The following FGFR2 variants were observed in gnomAD, a reference collection of about 807,000 sequenced individuals.
The protein encoded by FGFR2 is BEK fibroblast growth factor receptor.
A neutral mutation model predicts 95.9 loss-of-function variants in FGFR2; 19 were observed. That is an observed-to-expected ratio of 0.20 (90% CI 0.14 to 0.29). The LOEUF (loss-of-function observed/expected upper bound fraction) is 0.29, where lower values mean the gene tolerates loss of function less well. Ranked by LOEUF, FGFR2 falls within the 10% of genes least tolerant of loss-of-function variation. The pLI, the probability that FGFR2 is intolerant of heterozygous loss-of-function variation, is 1.00. For synonymous variants in FGFR2, 392 were observed against 393.3 expected (o/e 1.00, Z 0.04); for missense variants, 707 against 1,056.9 (o/e 0.67, Z 4.59).
chr10:121,479,790 G>C lies in FGFR2; in HGVS notation c.*67C>G, dbSNP rs1844435304. ...GGAGACAACAAGCTCTGGGAGGCAT[G>C]GTCTCCCTGCTCAGTGTAGCTAGGT... is the stretch of plus-strand genomic sequence containing the variant. On this transcript the variant is annotated 3_prime_UTR_variant, in exon 18 of 18. Coordinates refer to ENST00000358487, the MANE Select transcript of FGFR2 (RefSeq NM_000141.5). The C allele has an allele frequency of 6.2e-7, 1 of 1,613,294 alleles. No homozygotes were observed. The highest frequency in any genetic ancestry group is 8.5e-7 in the Non-Finnish European group (1 of 1,179,338).
Position 121,549,619 on chromosome 10 carries a change from G to A in FGFR2, c.624+1671C>T, listed in dbSNP as rs143572089. ...GGTTACAAAAGGCTCTGACTTCTGC[G>A]ATCCTGCTCTCTCTCTCTCTGGCTC... On this transcript the variant is annotated intron_variant, in intron 5 of 17. Coordinates refer to ENST00000358487, the MANE Select transcript of FGFR2 (RefSeq NM_000141.5). 2.4e-4 allele frequency among the ~76,000 whole-genome samples: 37 copies of A among 152,122 alleles called. 1 individual carries two copies. Among genetic ancestry groups the A allele is most frequent in the African/African-American group, 8.0e-4 (33 of 41,406 alleles).
chr10:121,566,473 C>T (rs780085872), intron 2 of FGFR2, among the ~76,000 whole-genome samples: 4 of 152,170 alleles, frequency 2.6e-5, no homozygotes, highest in South Asian at 2.1e-4. Context: ...CGACTCCACA[C>T]GACAAAGCTG....
At chr10:121,597,565 T>A (rs1219844318) in intron 1 of FGFR2, among the ~76,000 whole-genome samples, 1 of 152,168 alleles carries the variant, frequency 6.6e-6, no homozygotes, top group Non-Finnish European at 1.5e-5. Context: ...GACACACGGA[T>A]GGGGCACCTC....
rs187591482 is a variant in FGFR2 at position 121,534,432 on chromosome 10, G to A, written c.748+4160C>T. ...TTTTTTGAGATGGAGTTTCACTCTT[G>A]CTGCCCAGGCTGGAGTGCAATGGCA... On this transcript the variant is annotated intron_variant, in intron 6 of 17. Coordinates refer to ENST00000358487, the MANE Select transcript of FGFR2 (RefSeq NM_000141.5). Among the ~76,000 whole-genome samples, 28 of 151,342 alleles carry A rather than the reference G, an allele frequency of 1.9e-4. 1 individual carries two copies. Among genetic ancestry groups the A allele is most frequent in the African/African-American group, 6.3e-4 (26 of 41,174 alleles).
At chr10:121,512,811 C>T (rs1352007089) in intron 9 of FGFR2, among the ~76,000 whole-genome samples, 1 of 152,190 alleles carries the variant, frequency 6.6e-6, no homozygotes, top group Non-Finnish European at 1.5e-5. Context: ...GGAAGGAACT[C>T]TGATGTTCCC....
chr10:121,535,584 CTCAATGAT>C (rs1418736107), intron 6 of FGFR2, among the ~76,000 whole-genome samples: 2 of 152,208 alleles, frequency 1.3e-5, no homozygotes, highest in East Asian at 3.9e-4. Flanking sequence ...TCTGGTACCA[CTCAATGAT>C]GAACGATGGT....
chr10:121,518,720 T>A lies in FGFR2; in HGVS notation c.940-1257A>T, dbSNP rs1047077. 2 of 1,614,186 alleles carry A rather than the reference T, an allele frequency of 1.2e-6. No individual in the cohort carries two copies. Among genetic ancestry groups the A allele is most frequent in the Non-Finnish European group, 1.7e-6 (2 of 1,180,032 alleles). On this transcript the variant is annotated intron_variant, in intron 7 of 17. Coordinates refer to ENST00000358487, the MANE Select transcript of FGFR2 (RefSeq NM_000141.5). The surrounding 1 kb of genome is among the most constrained non-coding windows in gnomAD (Gnocchi z 4.0). ...CAGGACAGTGAGCCAGGCAGACTGG[T>A]TGGCCTGCCCTATATAATTGGAGAC...
chr10:121,520,256 G>T, intron 6 of FGFR2, 87 bp from the exon 7 acceptor site: 1 of 1,375,014 alleles, frequency 7.3e-7, no homozygotes, highest in South Asian at 1.4e-5. Context: ...GGCTGTCAGT[G>T]ACCTCATGCC....
chr10:121,561,433 A>C (rs1856950121), intron 4 of FGFR2, among the ~76,000 whole-genome samples: 1 of 151,996 alleles, frequency 6.6e-6, no homozygotes, highest in African/African-American at 2.4e-5. Context: ...CTCAAAAAAA[A>C]AAAAAAAAAA....
chr10:121,535,205 G>T (rs1449648797), intron 6 of FGFR2, among the ~76,000 whole-genome samples: 1 of 152,126 alleles, frequency 6.6e-6, no homozygotes, highest in African/African-American at 2.4e-5. Flanking sequence ...CCTTAATTTT[G>T]AATTTTTAGG....
At chr10:121,498,022 AATAACGT>A (rs1847106345) in intron 12 of FGFR2, among the ~76,000 whole-genome samples, 7 of 152,208 alleles carry the variant, frequency 4.6e-5, no homozygotes, top group Admixed American at 4.6e-4. Context: ...CCCCAGGGAA[AATAACGT>A]ATTCCTTCAT....
At chr10:121,504,015 G>A in intron 9 of FGFR2, 74 bp from the exon 10 acceptor site, 4 of 1,566,536 alleles carry the variant, frequency 2.6e-6, no homozygotes, top group South Asian at 2.3e-5. Context: ...CCAGAGCCCA[G>A]CCAGAGTATC....
chr10:121,492,462 G>A (rs540757897), intron 13 of FGFR2, among the ~76,000 whole-genome samples: 1 of 152,238 alleles, frequency 6.6e-6, no homozygotes, highest in South Asian at 2.1e-4. Flanking sequence ...GCCAGGCACT[G>A]TGTGTTCATC....
At chr10:121,558,790 T>C (rs1364618949) in intron 4 of FGFR2, among the ~76,000 whole-genome samples, 2 of 151,970 alleles carry the variant, frequency 1.3e-5, no homozygotes, top group Non-Finnish European at 2.9e-5. Context: ...AGTTTCACCA[T>C]ATTGGCCAGG....
intron 2 of FGFR2, among the ~76,000 whole-genome samples, chr10:121,567,014 A>T (rs1259799791): frequency 6.6e-6 from 1 of 152,122 alleles, no homozygotes; most frequent in African/African-American, 2.4e-5. Flanking sequence ...CTCCAGTGAG[A>T]AGTGTGAATG....
intron 6 of FGFR2, among the ~76,000 whole-genome samples, chr10:121,520,827 G>A (rs41295543): frequency 5.3e-5 from 8 of 152,228 alleles, no homozygotes; most frequent in Non-Finnish European, 8.8e-5. Flanking sequence ...ATGTTTTATA[G>A]AAAGAGGATT....
chr10:121,595,876 T>C (rs1863365237), intron 1 of FGFR2, among the ~76,000 whole-genome samples: 1 of 152,148 alleles, frequency 6.6e-6, no homozygotes, highest in Non-Finnish European at 1.5e-5. Flanking sequence ...GCACTAGAAA[T>C]TTGCATTTCA....
rs185443542 is a variant in FGFR2 at position 121,529,245 on chromosome 10, A to T, written c.749-9076T>A. On this transcript the variant is annotated intron_variant, in intron 6 of 17. Coordinates refer to ENST00000358487, the MANE Select transcript of FGFR2 (RefSeq NM_000141.5). Reference sequence around the variant, plus strand: ...TGCCTCAGCCTCCCGAGTAGCTGGGATTACAGGCACACAACACCACGCCTG... The same window carrying T: ...TGCCTCAGCCTCCCGAGTAGCTGGGTTTACAGGCACACAACACCACGCCTG... 2.4e-3 allele frequency among the ~76,000 whole-genome samples: 366 copies of T among 152,276 alleles called. 2 individuals are homozygous for T. Among genetic ancestry groups the T allele is most frequent in the South Asian group, 0.017 (83 of 4,826 alleles).
chr10:121,492,007 A>T (rs1180356743), intron 13 of FGFR2, among the ~76,000 whole-genome samples: 1 of 151,700 alleles, frequency 6.6e-6, no homozygotes, highest in Non-Finnish European at 1.5e-5. Flanking sequence ...GGTATGGTAA[A>T]ACCCCGTCTC....
Sources: gnomAD v4.1 joint callset for allele counts (sites outside exome capture counted in the v4.1 genomes callset) on GRCh38, gnomAD v4.1.1 for gene constraint, Gnocchi (gnomAD v3.1) non-coding constraint, MANE v1.5 for transcripts, NCBI Gene and HGNC (gene_info 2026-07-23, HGNC 2026-07-21) for gene names.